The following RPS6KC1 variants were observed in gnomAD, a reference collection of about 807,000 sequenced individuals.
RPS6KC1 encodes ribosomal protein S6 kinase C1.
A neutral mutation model predicts 103.8 loss-of-function variants in RPS6KC1; 54 were observed. The ratio of observed to expected loss-of-function variants is 0.52; its 90% CI spans 0.42 to 0.65. The LOEUF is 0.65. Among genes scored for constraint, RPS6KC1 ranks in the 30% least tolerant of loss-of-function variants. The pLI is 0.00. For missense variants in RPS6KC1, 1,151 were observed against 1,253.8 expected (o/e 0.92, Z 1.24); for synonymous variants, 439 against 438.7 (o/e 1.00, Z -0.01).
At chr1:213,181,256 G>A (rs949183038) in intron 8 of RPS6KC1, among the ~76,000 whole-genome samples, 14 of 152,258 alleles carry the variant, frequency 9.2e-5, no homozygotes, top group South Asian at 8.3e-4. Context: ...TATCTGGATC[G>A]CCCAAATTTA....
At chr1:213,566,596 T>C in the RPS6KC1 span, among the ~76,000 whole-genome samples, 1 of 151,552 alleles carries the variant, frequency 6.6e-6, no homozygotes, top group South Asian at 2.1e-4. Flanking sequence ...TCTTTGCCTC[T>C]CTGTTCTGCA....
the RPS6KC1 span, among the ~76,000 whole-genome samples, chr1:213,549,863 TAA>T: frequency 6.6e-6 from 1 of 152,052 alleles, no homozygotes; most frequent in African/African-American, 2.4e-5. Flanking sequence ...AAGAAAATAC[TAA>T]AATAGGCCCC....
At chr1:213,481,847 C>T in the RPS6KC1 span, among the ~76,000 whole-genome samples, 2 of 151,956 alleles carry the variant, frequency 1.3e-5, no homozygotes, top group South Asian at 4.2e-4. Flanking sequence ...AATTGTAATC[C>T]GTATTGCAGG....
the RPS6KC1 span, among the ~76,000 whole-genome samples, chr1:213,536,063 T>C: frequency 6.6e-6 from 1 of 152,138 alleles, no homozygotes; most frequent in Non-Finnish European, 1.5e-5. Context: ...CACTTTTTTT[T>C]TTCCAGTCTG....
At chr1:213,326,453 C>T in the RPS6KC1 span, among the ~76,000 whole-genome samples, 1 of 152,188 alleles carries the variant, frequency 6.6e-6, no homozygotes, top group Middle Eastern at 3.2e-3. Context: ...TCAGATGAGG[C>T]AGATTTCTAC....
At chr1:213,702,436 G>A in the RPS6KC1 span, among the ~76,000 whole-genome samples, 1 of 151,878 alleles carries the variant, frequency 6.6e-6, no homozygotes, top group African/African-American at 2.4e-5. Context: ...GATCCTTTTG[G>A]TCTATAGTGC....
chr1:213,640,334 A>AT, the RPS6KC1 span, among the ~76,000 whole-genome samples: 4 of 149,288 alleles, frequency 2.7e-5, no homozygotes, highest in Admixed American at 6.7e-5. Context: ...CATTTTAGTG[A>AT]TTTTTTTCTA....
At chr1:213,416,194 C>T in the RPS6KC1 span, among the ~76,000 whole-genome samples, 5 of 152,174 alleles carry the variant, frequency 3.3e-5, no homozygotes, top group Admixed American at 6.5e-5. Flanking sequence ...AGAGCATGCC[C>T]GTCTCTGTCC....
At chr1:213,305,958 C>A in the RPS6KC1 span, among the ~76,000 whole-genome samples, 25 of 152,302 alleles carry the variant, frequency 1.6e-4, no homozygotes, top group East Asian at 3.9e-3. Context: ...AAGTGACAGA[C>A]CTCATTCATT....
the RPS6KC1 span, among the ~76,000 whole-genome samples, chr1:213,696,317 T>C: frequency 2.0e-5 from 3 of 151,942 alleles, no homozygotes; most frequent in African/African-American, 4.8e-5. Flanking sequence ...CTGACCAACA[T>C]GGAGAAACTC....
the RPS6KC1 span, among the ~76,000 whole-genome samples, chr1:213,689,232 C>T: frequency 6.6e-6 from 1 of 152,188 alleles, no homozygotes; most frequent in Non-Finnish European, 1.5e-5. Context: ...TGGCTGGACA[C>T]TGGTTGGAAG....
the RPS6KC1 span, among the ~76,000 whole-genome samples, chr1:213,293,193 A>G: frequency 6.6e-6 from 1 of 152,218 alleles, no homozygotes; most frequent in African/African-American, 2.4e-5. Context: ...TTTCTGTGTT[A>G]ATTAATGCTT....
the RPS6KC1 span, among the ~76,000 whole-genome samples, chr1:213,772,088 T>C: frequency 6.6e-6 from 1 of 152,206 alleles, no homozygotes; most frequent in East Asian, 1.9e-4. Flanking sequence ...ATTATATGTT[T>C]CAATTACTAT....
At chr1:213,239,821 A>T (rs111767223) in intron 10 of RPS6KC1, among the ~76,000 whole-genome samples, 1,595 of 152,308 alleles carry the variant, frequency 0.01, 31 homozygotes, top group African/African-American at 0.036. Context: ...TACTGTTTCT[A>T]ATCACTACTG....
At chr1:213,071,754 T>G (rs780999617) in intron 2 of RPS6KC1, among the ~76,000 whole-genome samples, 2 of 152,230 alleles carry the variant, frequency 1.3e-5, no homozygotes, top group African/African-American at 4.8e-5. Context: ...CTTTCACTTT[T>G]AGATTGAATT....
At chr1:213,404,117 G>A in the RPS6KC1 span, among the ~76,000 whole-genome samples, 5 of 152,180 alleles carry the variant, frequency 3.3e-5, no homozygotes, top group African/African-American at 1.2e-4. Context: ...TGGGCCACAG[G>A]GAGCTCCTGT....
the RPS6KC1 span, among the ~76,000 whole-genome samples, chr1:213,790,566 A>G: frequency 6.6e-6 from 1 of 152,152 alleles, no homozygotes. Flanking sequence ...TAATTCCATA[A>G]CTATTTTGAG....
the RPS6KC1 span, among the ~76,000 whole-genome samples, chr1:213,687,804 G>A: frequency 0.99 from 150,951 of 152,356 alleles, 74,786 homozygotes; most frequent in Middle Eastern, 1. Flanking sequence ...GTTATCTTCT[G>A]AGCGTAGAGA....
chr1:213,208,982 A>T (rs560012166), intron 8 of RPS6KC1, among the ~76,000 whole-genome samples: 1 of 152,016 alleles, frequency 6.6e-6, no homozygotes, highest in African/African-American at 2.4e-5. Context: ...AGCTAAGCCT[A>T]TAAAGTTCTT....
Sources: gnomAD v4.1 joint callset for allele counts (sites outside exome capture counted in the v4.1 genomes callset) on GRCh38, gnomAD v4.1.1 for gene constraint, MANE v1.5 for transcripts, NCBI Gene and HGNC (gene_info 2026-07-23, HGNC 2026-07-21) for gene names.